EYS: variants seen among roughly 807,000 people sequenced by gnomAD.
The protein encoded by EYS is protein eyes shut homolog.
In EYS, 250 loss-of-function variants were observed where a neutral mutation model predicts 282.1. The observed-to-expected ratio is 0.89, with a 90% CI of 0.80 to 0.98. EYS has a LOEUF of 0.98. Among genes scored for constraint, EYS ranks in the 50% least tolerant of loss-of-function variants. The pLI, the probability that EYS is intolerant of heterozygous loss-of-function variation, is 0.00. For synonymous variants in EYS, 1,355 were observed against 1,282.9 expected (o/e 1.06, Z -1.20); for missense variants, 4,016 against 3,709.0 (o/e 1.08, Z -2.15).
intron 2 of EYS, among the ~76,000 whole-genome samples, chr6:65,606,018 T>C (rs1307413738): frequency 6.6e-6 from 1 of 151,610 alleles, no homozygotes; most frequent in African/African-American, 2.4e-5. Flanking sequence ...ATATTTCACA[T>C]CAGATATAAT....
intron 28 of EYS, among the ~76,000 whole-genome samples, chr6:64,391,150 T>C (rs1251421225): frequency 1.3e-5 from 2 of 152,086 alleles, no homozygotes; most frequent in African/African-American, 2.4e-5. Context: ...TACGACTGAT[T>C]GGTGTACCTG....
chr6:65,481,021 A>T (rs1050897705), intron 5 of EYS, among the ~76,000 whole-genome samples: 2 of 152,310 alleles, frequency 1.3e-5, no homozygotes, highest in East Asian at 3.9e-4. Flanking sequence ...GCTAGATAGA[A>T]GGAATGGTTT....
intron 12 of EYS, among the ~76,000 whole-genome samples, chr6:65,140,103 T>C (rs2150208001): frequency 6.6e-6 from 1 of 152,150 alleles, no homozygotes; most frequent in South Asian, 2.1e-4. Context: ...TTTCAAGCTG[T>C]CATTATAAAA....
intron 16 of EYS, among the ~76,000 whole-genome samples, chr6:64,904,635 G>A (rs1196214563): frequency 5.9e-5 from 9 of 152,070 alleles, no homozygotes; most frequent in Non-Finnish European, 1.2e-4. Flanking sequence ...GTTTTCTCTG[G>A]GAGGCAGGGC....
At chr6:64,182,259 C>T (rs1404050738) in intron 31 of EYS, among the ~76,000 whole-genome samples, 1 of 152,006 alleles carries the variant, frequency 6.6e-6, no homozygotes, top group African/African-American at 2.4e-5. Flanking sequence ...ACACTATTTC[C>T]CCAACTCATT....
chr6:65,554,810 G>A (rs57966408), intron 2 of EYS, among the ~76,000 whole-genome samples: 384 of 152,252 alleles, frequency 2.5e-3, no homozygotes, highest in African/African-American at 8.8e-3. Flanking sequence ...AGCCAAGAAG[G>A]AGTAGAAGGC....
intron 40 of EYS, among the ~76,000 whole-genome samples, chr6:63,776,032 A>C (rs896494011): frequency 3.9e-5 from 6 of 152,164 alleles, no homozygotes; most frequent in African/African-American, 1.4e-4. Flanking sequence ...AATTTTTAGA[A>C]TCCTGTAAGG....
At chr6:64,408,696 G>C (rs901133854) in intron 28 of EYS, among the ~76,000 whole-genome samples, 2 of 152,198 alleles carry the variant, frequency 1.3e-5, no homozygotes, top group Non-Finnish European at 2.9e-5. Flanking sequence ...CTTCTGTAGT[G>C]TCTGTAGGGT....
At chr6:63,947,203 G>A (rs897148105) in intron 35 of EYS, among the ~76,000 whole-genome samples, 13 of 152,164 alleles carry the variant, frequency 8.5e-5, no homozygotes, top group African/African-American at 2.4e-4. Flanking sequence ...TGCCTGTAGA[G>A]TGAATGTGCT....
chr6:65,392,255 G>A (rs1025795737), intron 7 of EYS, among the ~76,000 whole-genome samples: 13 of 151,558 alleles, frequency 8.6e-5, no homozygotes, highest in African/African-American at 3.2e-4. Context: ...CAGGACATAG[G>A]CATGGGCAAG....
At chr6:63,986,496 A>C (rs1489345169) in intron 34 of EYS, among the ~76,000 whole-genome samples, 2 of 151,846 alleles carry the variant, frequency 1.3e-5, no homozygotes, top group Non-Finnish European at 1.5e-5. Flanking sequence ...AGCACTATTC[A>C]TAATAGCAAA....
intron 31 of EYS, among the ~76,000 whole-genome samples, chr6:64,153,125 A>G (rs544354272): frequency 1.4e-4 from 21 of 152,278 alleles, no homozygotes; most frequent in Middle Eastern, 6.8e-3. Context: ...TTATCATTAT[A>G]TACTCCCAAC....
chr6:65,169,271 A>G (rs954768521), intron 12 of EYS, among the ~76,000 whole-genome samples: 1 of 151,472 alleles, frequency 6.6e-6, no homozygotes, highest in Non-Finnish European at 1.5e-5. Context: ...TTGGTGCACT[A>G]TATTAGTACC....
intron 12 of EYS, among the ~76,000 whole-genome samples, chr6:65,246,324 G>A (rs1408531430): frequency 6.6e-6 from 1 of 152,058 alleles, no homozygotes; most frequent in Non-Finnish European, 1.5e-5. Context: ...ATATGAAAAT[G>A]TATAGGGACA....
chr6:65,027,805 G>A (rs1004872517), intron 13 of EYS, among the ~76,000 whole-genome samples: 1 of 152,090 alleles, frequency 6.6e-6, no homozygotes, highest in Non-Finnish European at 1.5e-5. Context: ...TCTGTTGTAA[G>A]GCATGTTGTT....
intron 35 of EYS, among the ~76,000 whole-genome samples, chr6:63,902,972 G>T (rs145488551): frequency 2.0e-3 from 310 of 152,282 alleles, no homozygotes; most frequent in African/African-American, 7.2e-3. Context: ...GAAGAAAGGA[G>T]AAGTACTAAA....
At chr6:64,098,326 G>A (rs1037509473) in intron 31 of EYS, among the ~76,000 whole-genome samples, 1 of 152,070 alleles carries the variant, frequency 6.6e-6, no homozygotes, top group African/African-American at 2.4e-5. Flanking sequence ...ATAGAGCAGG[G>A]AAATAACTTC....
chr6:64,971,853 C>T (rs1583346312), intron 14 of EYS, among the ~76,000 whole-genome samples: 1 of 151,994 alleles, frequency 6.6e-6, no homozygotes, highest in East Asian at 1.9e-4. Flanking sequence ...TTGGAGATGC[C>T]TTTGTTGTTA....
chr6:64,653,321 T>C (rs893000361), intron 22 of EYS, among the ~76,000 whole-genome samples: 1 of 152,174 alleles, frequency 6.6e-6, no homozygotes, highest in Non-Finnish European at 1.5e-5. Context: ...ATTTATTTTG[T>C]TTAAACCACC....
Sources: gnomAD v4.1 joint callset for allele counts (sites outside exome capture counted in the v4.1 genomes callset) on GRCh38, gnomAD v4.1.1 for gene constraint, MANE v1.5 for transcripts, NCBI Gene and HGNC (gene_info 2026-07-23, HGNC 2026-07-21) for gene names.